MDGA2: variants seen among roughly 807,000 people sequenced by gnomAD.
MDGA2 encodes the protein MAM domain-containing glycosylphosphatidylinositol anchor protein 2.
Under a neutral mutation model 117.8 loss-of-function variants are expected in MDGA2, and 40 were observed. The ratio of observed to expected loss-of-function variants is 0.34; its 90% CI spans 0.26 to 0.44. The LOEUF (loss-of-function observed/expected upper bound fraction) is 0.44. Ranked by LOEUF, MDGA2 falls within the 20% of genes least tolerant of loss-of-function variation. The pLI is 1.00. For missense variants in MDGA2, 1,123 were observed against 1,250.6 expected (o/e 0.90, Z 1.54); for synonymous variants, 452 against 439.0 (o/e 1.03, Z -0.37).
chr14:47,580,999 C>T (rs868056161), intron 1 of MDGA2, among the ~76,000 whole-genome samples: 8 of 152,058 alleles, frequency 5.3e-5, no homozygotes, highest in Middle Eastern at 6.8e-3. Context: ...CTGAGCAAAG[C>T]AAAATTTTAA....
At chr14:47,381,519 G>C (rs1891625274) in intron 1 of MDGA2, among the ~76,000 whole-genome samples, 2 of 152,082 alleles carry the variant, frequency 1.3e-5, no homozygotes, top group African/African-American at 4.8e-5. Flanking sequence ...AAAGTCTCAG[G>C]ATACAAAATC....
intron 2 of MDGA2, among the ~76,000 whole-genome samples, chr14:47,256,175 T>C (rs1312122853): frequency 6.6e-6 from 1 of 151,208 alleles, no homozygotes; most frequent in African/African-American, 2.4e-5. Context: ...CAGCAACCTA[T>C]AATACCTTCC....
rs1168039354 is a variant in MDGA2, at chr14:47,389,596, A to ACACACACACC, written c.281-88056_281-88047dup. Among the ~76,000 whole-genome samples, 347 of 108,340 alleles carry ACACACACACC rather than the reference A, an allele frequency of 3.2e-3. 1 individual carries two copies. Among genetic ancestry groups the ACACACACACC allele is most frequent in the African/African-American group, 1.0e-2 (324 of 32,508 alleles). 71.1% of individuals were successfully genotyped at this position (108,340 alleles called of 152,430 possible). ...ATTACCCTTTTGCAGGAAAACACAC[A>ACACACACACC]CACACACACCCACACACACACACAC... On this transcript the variant is annotated intron_variant, in intron 1 of 16. Transcript: ENST00000399232.
At chr14:47,427,872 T>A (rs536550978) in intron 1 of MDGA2, among the ~76,000 whole-genome samples, 41 of 152,294 alleles carry the variant, frequency 2.7e-4, no homozygotes, top group Admixed American at 9.2e-4. Context: ...AAGAGATCTA[T>A]CGTTTGAACA....
At chr14:47,001,637 C>A (rs576896262) in intron 8 of MDGA2, among the ~76,000 whole-genome samples, 2 of 151,980 alleles carry the variant, frequency 1.3e-5, no homozygotes, top group Non-Finnish European at 2.9e-5. Context: ...GTGACCTGAA[C>A]AAATGAAACT....
At chr14:47,286,817 A>G (rs1327662849) in intron 2 of MDGA2, among the ~76,000 whole-genome samples, 2 of 117,922 alleles carry the variant, frequency 1.7e-5, no homozygotes, top group Non-Finnish European at 3.8e-5. Context: ...ATATATATAT[A>G]TATATATACA....
intron 7 of MDGA2, among the ~76,000 whole-genome samples, chr14:47,048,496 A>G (rs1393205955): frequency 2.0e-5 from 3 of 152,062 alleles, no homozygotes; most frequent in African/African-American, 7.2e-5. Context: ...TCCTTGTAGA[A>G]CCCATGTGAC....
intron 1 of MDGA2, among the ~76,000 whole-genome samples, chr14:47,335,751 T>TATATATATATATATATATATATAC (rs1290712163): frequency 7.0e-6 from 1 of 143,078 alleles, no homozygotes; most frequent in Non-Finnish European, 1.5e-5. Flanking sequence ...TATATATACA[T>TATATATATATATATATATATATAC]ACATACATAC....
At chr14:47,176,845 A>G (rs1386520951) in intron 3 of MDGA2, among the ~76,000 whole-genome samples, 2 of 152,180 alleles carry the variant, frequency 1.3e-5, no homozygotes, top group Non-Finnish European at 2.9e-5. Flanking sequence ...AAAAGAAACT[A>G]CCATCAGAGT....
rs564165776 is a variant in MDGA2, at chr14:47,223,108, A to G, written c.421-4913T>C. On this transcript the variant is annotated intron_variant, in intron 2 of 16. Transcript: ENST00000399232. ...AGCGGAAACACCTGATAAACCCGTC[A>G]GATCTTGTGAGACTTATTCACTACC... Among the ~76,000 whole-genome samples the G allele has an allele frequency of 2.6e-5, 4 of 152,302 alleles. No homozygotes were observed. The South Asian group carries it at 8.3e-4, about 32-fold the overall frequency.
chr14:47,016,626 A>G (rs1329915315), intron 8 of MDGA2, among the ~76,000 whole-genome samples: 2 of 152,026 alleles, frequency 1.3e-5, no homozygotes, highest in African/African-American at 2.4e-5. Context: ...TTATTACTCT[A>G]CTAATTTGAA....
At chr14:47,138,137 C>T (rs1242171046) in intron 4 of MDGA2, among the ~76,000 whole-genome samples, 1 of 152,030 alleles carries the variant, frequency 6.6e-6, no homozygotes, top group Non-Finnish European at 1.5e-5. Flanking sequence ...TTAATGTTAT[C>T]AAATGGCATA....
At chr14:47,013,985 G>A (rs1887994056) in intron 8 of MDGA2, among the ~76,000 whole-genome samples, 1 of 151,244 alleles carries the variant, frequency 6.6e-6, no homozygotes, top group Admixed American at 6.6e-5. Context: ...AGTATAGATG[G>A]GGTTTCACCA....
chr14:47,376,829 G>C (rs1891489748), intron 1 of MDGA2, among the ~76,000 whole-genome samples: 1 of 152,144 alleles, frequency 6.6e-6, no homozygotes, highest in Admixed American at 6.5e-5. Flanking sequence ...GCATAGCCTT[G>C]AGGGGTTTCA....
At chr14:47,416,611 C>CA (rs975564864) in intron 1 of MDGA2, among the ~76,000 whole-genome samples, 2 of 152,142 alleles carry the variant, frequency 1.3e-5, no homozygotes. Flanking sequence ...GTGGCCCTGC[C>CA]CTTGGGATGG....
intron 1 of MDGA2, among the ~76,000 whole-genome samples, chr14:47,367,533 A>C (rs755729145): frequency 1.3e-5 from 2 of 152,240 alleles, no homozygotes; most frequent in African/African-American, 4.8e-5. Flanking sequence ...AGGTAACCAA[A>C]TGCCAATTTT....
intron 1 of MDGA2, among the ~76,000 whole-genome samples, chr14:47,313,424 C>T (rs1594789647): frequency 6.6e-6 from 1 of 152,192 alleles, no homozygotes; most frequent in African/African-American, 2.4e-5. Flanking sequence ...AGGCACAAGC[C>T]ACTATGACTG....
At chr14:46,905,658 C>T (rs1883461757) in intron 10 of MDGA2, among the ~76,000 whole-genome samples, 1 of 152,004 alleles carries the variant, frequency 6.6e-6, no homozygotes, top group South Asian at 2.1e-4. Context: ...TTGCTAGATG[C>T]TTTGAGCATC....
intron 1 of MDGA2, among the ~76,000 whole-genome samples, chr14:47,602,038 A>G (rs922783526): frequency 7.2e-5 from 11 of 152,238 alleles, no homozygotes; most frequent in South Asian, 6.2e-4. Flanking sequence ...TTTATGATGC[A>G]GAATAAATGA....
Sources: gnomAD v4.1 joint callset for allele counts (sites outside exome capture counted in the v4.1 genomes callset) on GRCh38, gnomAD v4.1.1 for gene constraint, MANE v1.5 for transcripts, NCBI Gene and HGNC (gene_info 2026-07-23, HGNC 2026-07-21) for gene names.